AVEN: variants seen among roughly 807,000 people sequenced by gnomAD.
The protein encoded by AVEN is apoptosis and caspase activation inhibitor.
Under a neutral mutation model 38.1 loss-of-function variants are expected in AVEN, and 41 were observed. The ratio of observed to expected loss-of-function variants is 1.08; its 90% CI spans 0.84 to 1.40. The LOEUF is 1.40. AVEN is among the 40% of genes most tolerant of loss of function. The pLI, the probability that AVEN is intolerant of heterozygous loss-of-function variation, is 0.00. For synonymous variants in AVEN, 206 were observed against 171.8 expected, an observed-to-expected ratio of 1.20 and a Z score of -1.56; for missense variants, 605 against 438.8, an observed-to-expected ratio of 1.38 and a Z score of -3.38.
chr15:33,864,919 T>C, downstream of AVEN: 1 of 506,484 alleles, frequency 2.0e-6, no homozygotes, highest in Non-Finnish European at 3.5e-6. Context: ...AGGGGGATTT[T>C]TCTCCTTCCC....
In AVEN at chr15:34,003,096, C is replaced by G. The variant is rs202188583; in HGVS notation, c.381G>C (p.Glu127Asp). 3.7e-6 allele frequency: 6 copies of G among 1,613,874 alleles called. No homozygotes were observed. The highest frequency in any genetic ancestry group is 5.1e-6 in the Non-Finnish European group (6 of 1,179,844). Residue 127 changes from glutamate (E) to aspartate (D), a missense_variant, in exon 2 of 6, where the codon GAG becomes GAC. Coordinates refer to ENST00000306730, the MANE Select transcript of AVEN (RefSeq NM_020371.3). ...GTGACTCTCCACTTTCATTATTGAC[C>G]TCTTTTTCAATATCTTGATATCGAT... Reference protein sequence around the residue: ...NWDRYQDIEKEVNNESGESQR... With the variant: ...NWDRYQDIEKDVNNESGESQR...
rs1229182275 is a variant in AVEN at position 33,867,573 on chromosome 15, C to T, written c.895G>A (p.Gly299Arg). ...LLNLDAPIKEGDNILPDQTSQ... is the reference protein window; with the variant it reads ...LLNLDAPIKERDNILPDQTSQ... Reference sequence around the variant, plus strand: ...GTCTGATCTGGTAAGATGTTATCTCCCTCTTTTATAGGTGCATCTAAATTA... The same window carrying T: ...GTCTGATCTGGTAAGATGTTATCTCTCTCTTTTATAGGTGCATCTAAATTA... The change falls in exon 5 of 6, where the codon GGA (glycine) becomes AGA (arginine). Residue 299 changes from glycine to arginine, a missense_variant. Coordinates refer to ENST00000306730, the MANE Select transcript of AVEN (RefSeq NM_020371.3). The T allele has an allele frequency of 5.0e-6, 8 of 1,614,016 alleles. No individual in the cohort carries two copies. The highest frequency in any genetic ancestry group is 6.8e-6 in the Non-Finnish European group (8 of 1,180,024).
chr15:33,955,829 A>C (rs1233755995), intron 2 of AVEN, among the ~76,000 whole-genome samples: 3 of 152,204 alleles, frequency 2.0e-5, no homozygotes, highest in African/African-American at 7.2e-5. Context: ...TCAGTGATGT[A>C]ACGTAATTCA....
intron 2 of AVEN, among the ~76,000 whole-genome samples, chr15:33,971,659 T>A (rs1895643715): frequency 6.6e-6 from 1 of 152,140 alleles, no homozygotes; most frequent in South Asian, 2.1e-4. Context: ...TTTAAATGCA[T>A]TAAATATATA....
At chr15:33,903,936 G>A (rs1449562853) in intron 2 of AVEN, among the ~76,000 whole-genome samples, 3 of 152,180 alleles carry the variant, frequency 2.0e-5, no homozygotes, top group African/African-American at 7.2e-5. Flanking sequence ...TGTTCAGCAT[G>A]TTACTGTACT....
chr15:33,877,184 G>A (rs943314452), intron 2 of AVEN, among the ~76,000 whole-genome samples: 5 of 152,280 alleles, frequency 3.3e-5, no homozygotes, highest in African/African-American at 1.2e-4. Flanking sequence ...CAACAGAGTT[G>A]TGGGTTGTTT....
chr15:33,966,995 C>T (rs1895412742), intron 2 of AVEN, among the ~76,000 whole-genome samples: 1 of 152,056 alleles, frequency 6.6e-6, no homozygotes, highest in Non-Finnish European at 1.5e-5. Context: ...ATTGAAATGG[C>T]TTAATAATCA....
downstream of AVEN, chr15:33,857,945 A>G (rs201003658): frequency 6.8e-7 from 1 of 1,461,316 alleles, no homozygotes; most frequent in East Asian, 2.2e-5. Flanking sequence ...GGGCCAGCCC[A>G]CCCACTGCGG....
intron 2 of AVEN, among the ~76,000 whole-genome samples, chr15:33,915,134 A>C (rs1010400018): frequency 6.6e-6 from 1 of 152,188 alleles, no homozygotes; most frequent in African/African-American, 2.4e-5. Flanking sequence ...AAAATACTTA[A>C]GAGGGGAGAT....
intron 2 of AVEN, among the ~76,000 whole-genome samples, chr15:33,967,044 A>T (rs1333267152): frequency 6.6e-6 from 1 of 152,160 alleles, no homozygotes; most frequent in African/African-American, 2.4e-5. Context: ...AGAAGTGACC[A>T]GTATATAATG....
At chr15:34,045,777 C>G (rs988432348) in intron 5 of AVEN, among the ~76,000 whole-genome samples, 15 of 151,836 alleles carry the variant, frequency 9.9e-5, no homozygotes, top group African/African-American at 3.6e-4. Flanking sequence ...CAAGTCCACT[C>G]GACAAGAAAA....
chr15:34,066,335 CATGAGA>C (rs1208700447), intron 3 of AVEN: 1 of 152,246 alleles, frequency 6.6e-6, no homozygotes, highest in Non-Finnish European at 1.5e-5. Flanking sequence ...AAAACCCCTT[CATGAGA>C]ATAGGCTTTT....
At chr15:33,968,533 T>G (rs1490463296) in intron 2 of AVEN, among the ~76,000 whole-genome samples, 1 of 152,074 alleles carries the variant, frequency 6.6e-6, no homozygotes, top group African/African-American at 2.4e-5. Context: ...AGAGACATGA[T>G]AAAGCCGTAC....
chr15:34,031,758 C>T (rs1268975008), intron 1 of AVEN, among the ~76,000 whole-genome samples: 1 of 152,074 alleles, frequency 6.6e-6, no homozygotes, highest in Non-Finnish European at 1.5e-5. Context: ...TTAAGGCTTA[C>T]AAAATCAGGT....
intron 2 of AVEN, among the ~76,000 whole-genome samples, chr15:33,909,453 C>T (rs998295603): frequency 6.6e-6 from 1 of 152,104 alleles, no homozygotes; most frequent in Admixed American, 6.5e-5. Flanking sequence ...TCATAACCAG[C>T]TCAAGATGTG....
At chr15:33,913,801 G>C (rs1473288655) in intron 2 of AVEN, among the ~76,000 whole-genome samples, 3 of 150,730 alleles carry the variant, frequency 2.0e-5, no homozygotes, top group Non-Finnish European at 4.4e-5. Flanking sequence ...GAATACAAAA[G>C]TAGCCTTGAA....
At chr15:33,974,472 G>A (rs1474540359) in intron 2 of AVEN, among the ~76,000 whole-genome samples, 2 of 152,116 alleles carry the variant, frequency 1.3e-5, no homozygotes, top group African/African-American at 4.8e-5. Flanking sequence ...CAGGGACAAA[G>A]GCTAAAAGAC....
At chr15:33,912,117 T>G (rs1205583427) in intron 2 of AVEN, among the ~76,000 whole-genome samples, 1 of 152,238 alleles carries the variant, frequency 6.6e-6, no homozygotes. Context: ...ACTTATTAAC[T>G]CTGTGACCTT....
At chr15:33,881,814 T>C (rs1891496392) in intron 2 of AVEN, among the ~76,000 whole-genome samples, 1 of 152,188 alleles carries the variant, frequency 6.6e-6, no homozygotes, top group Non-Finnish European at 1.5e-5. Context: ...ACTCCAGCTT[T>C]ATTTGTTTGC....
Sources: gnomAD v4.1 joint callset for allele counts (sites outside exome capture counted in the v4.1 genomes callset) on GRCh38, gnomAD v4.1.1 for gene constraint, MANE v1.5 for transcripts, NCBI Gene and HGNC (gene_info 2026-07-23, HGNC 2026-07-21) for gene names.